RGS6: variants seen among roughly 807,000 people sequenced by gnomAD.
The protein encoded by RGS6 is regulator of G protein signaling 6.
A neutral mutation model predicts 78.5 loss-of-function variants in RGS6; 30 were observed. The ratio of observed to expected loss-of-function variants is 0.38; its 90% CI spans 0.29 to 0.52. The LOEUF (loss-of-function observed/expected upper bound fraction) is 0.52, where lower values mean the gene tolerates loss of function less well. RGS6 is among the 20% of genes least tolerant of loss of function. RGS6 has a pLI of 0.85. For missense variants in RGS6, 495 were observed against 609.7 expected, an observed-to-expected ratio of 0.81 and a Z score of 1.98; for synonymous variants, 206 against 206.0, an observed-to-expected ratio of 1.00 and a Z score of 0.00.
chr14:72,578,683 C>T, the RGS6 span, among the ~76,000 whole-genome samples: 8 of 152,318 alleles, frequency 5.3e-5, no homozygotes, highest in East Asian at 1.2e-3. Context: ...CAATGAGACC[C>T]GCACACAGCG....
chr14:72,381,447 T>C (rs1242812717), intron 3 of RGS6, among the ~76,000 whole-genome samples: 1 of 151,864 alleles, frequency 6.6e-6, no homozygotes, highest in East Asian at 1.9e-4. Flanking sequence ...TTAAATAAAA[T>C]AAAACAACTA....
At chr14:71,990,723 TGCTGCATTGAGG>T (rs1320150384) in intron 2 of RGS6, 10 of 455,952 alleles carry the variant, frequency 2.2e-5, no homozygotes, top group Non-Finnish European at 3.5e-5. Context: ...CCTCTCTACA[TGCTGCATTGAGG>T]ATCCCCAAAT....
At chr14:71,927,087 G>C in the RGS6 span, among the ~76,000 whole-genome samples, 4 of 152,228 alleles carry the variant, frequency 2.6e-5, no homozygotes. Flanking sequence ...GGCAGTGGAT[G>C]AGAGTGTCTA....
intron 2 of RGS6, among the ~76,000 whole-genome samples, chr14:72,078,673 C>T (rs2094690449): frequency 6.6e-6 from 1 of 152,090 alleles, no homozygotes; most frequent in Admixed American, 6.5e-5. Context: ...CTGCCTTGGC[C>T]TCCCAAAGTG....
intron 2 of RGS6, chr14:72,022,376 C>G (rs932095486): frequency 9.2e-5 from 14 of 152,068 alleles, no homozygotes; most frequent in Admixed American, 6.6e-4. Flanking sequence ...AATGGTTGAA[C>G]TAATTTGTTT....
chr14:72,400,492 G>T (rs7155094), intron 3 of RGS6, among the ~76,000 whole-genome samples: 115 of 152,170 alleles, frequency 7.6e-4, no homozygotes, highest in African/African-American at 2.5e-3. Flanking sequence ...TTTGTGTAAG[G>T]CACCTTCAAG....
rs567852681 is a variant in RGS6 at position 72,469,079 on chromosome 14, T to C, written c.460-928T>C. On this transcript the variant is annotated intron_variant, in intron 7 of 17. Coordinates refer to ENST00000553525, the MANE Select transcript of RGS6 (RefSeq NM_001204424.2). ...CTCGCCGCCCATCCTCATGTTCCAT[T>C]AGGTAACTCTACAGACTTAGAGAAA... is the stretch of plus-strand genomic sequence containing the variant. 2.6e-5 allele frequency among the ~76,000 whole-genome samples: 4 copies of C among 152,278 alleles called. No homozygotes were observed. The East Asian group carries it at 7.7e-4, about 29-fold the overall frequency.
At chr14:72,627,648 A>G in the RGS6 span, among the ~76,000 whole-genome samples, 2 of 152,056 alleles carry the variant, frequency 1.3e-5, no homozygotes, top group African/African-American at 4.8e-5. Context: ...TTGTTTCTTC[A>G]TATGAACTTA....
At chr14:72,456,636 A>G (rs2095638427) in intron 4 of RGS6, among the ~76,000 whole-genome samples, 1 of 152,178 alleles carries the variant, frequency 6.6e-6, no homozygotes, top group South Asian at 2.1e-4. Flanking sequence ...TGCTCAGAGA[A>G]TGAAGTTAGA....
At chr14:72,541,756 G>A (rs2097330634) in intron 17 of RGS6, 1 of 905,080 alleles carries the variant, frequency 1.1e-6, no homozygotes, top group African/African-American at 1.7e-5. Flanking sequence ...GGAAGCTCTT[G>A]AGGGTGACCG....
At chr14:72,031,863 A>G (rs1175330202) in intron 2 of RGS6, among the ~76,000 whole-genome samples, 1 of 152,222 alleles carries the variant, frequency 6.6e-6, no homozygotes, top group African/African-American at 2.4e-5. Flanking sequence ...AATGATTGGG[A>G]TAATACTCCA....
At chr14:72,431,205 AG>A (rs2094617806) in intron 3 of RGS6, among the ~76,000 whole-genome samples, 3 of 152,186 alleles carry the variant, frequency 2.0e-5, no homozygotes, top group Non-Finnish European at 2.9e-5. Context: ...TCTGTGTAGC[AG>A]CAGAACTCTT....
intron 2 of RGS6, among the ~76,000 whole-genome samples, chr14:71,985,643 A>G (rs1380129129): frequency 6.6e-6 from 1 of 152,168 alleles, no homozygotes; most frequent in South Asian, 2.1e-4. Flanking sequence ...ATGTCATTGA[A>G]CTACAGAAAG....
the RGS6 span, among the ~76,000 whole-genome samples, chr14:71,899,004 T>C: frequency 6.6e-6 from 1 of 152,218 alleles, no homozygotes; most frequent in Non-Finnish European, 1.5e-5. Context: ...TCCAATATTG[T>C]TTTTTAAATC....
At chr14:72,503,371 G>A (rs781327298) in intron 13 of RGS6, among the ~76,000 whole-genome samples, 3 of 152,094 alleles carry the variant, frequency 2.0e-5, no homozygotes, top group Non-Finnish European at 4.4e-5. Context: ...AGTAGTCCCC[G>A]AAGTCTTAAC....
chr14:72,257,261 G>A (rs963801190), intron 2 of RGS6, among the ~76,000 whole-genome samples: 1 of 152,140 alleles, frequency 6.6e-6, no homozygotes, highest in African/African-American at 2.4e-5. Context: ...ATGAACATTT[G>A]GATCACATTA....
chr14:72,213,650 CT>C (rs1478063106), intron 2 of RGS6, among the ~76,000 whole-genome samples: 1 of 152,152 alleles, frequency 6.6e-6, no homozygotes, highest in African/African-American at 2.4e-5. Flanking sequence ...ACAAATCTTT[CT>C]TGTTCAGCTG....
intron 2 of RGS6, among the ~76,000 whole-genome samples, chr14:72,049,221 G>T (rs1422923625): frequency 6.6e-6 from 1 of 152,144 alleles, no homozygotes; most frequent in African/African-American, 2.4e-5. Context: ...GTTTTCCCAA[G>T]AAAACCTTGG....
intron 2 of RGS6, among the ~76,000 whole-genome samples, chr14:72,292,154 G>C (rs1401196073): frequency 6.6e-6 from 1 of 152,196 alleles, no homozygotes; most frequent in Admixed American, 6.5e-5. Context: ...GCCTTCCCCA[G>C]TGTACTGGTT....
Sources: gnomAD v4.1 joint callset for allele counts (sites outside exome capture counted in the v4.1 genomes callset) on GRCh38, gnomAD v4.1.1 for gene constraint, MANE v1.5 for transcripts, NCBI Gene and HGNC (gene_info 2026-07-23, HGNC 2026-07-21) for gene names.